Variants in DOCK5 observed in about 807,000 individuals in gnomAD.
DOCK5 encodes the protein dedicator of cytokinesis 5.
A neutral mutation model predicts 251.8 loss-of-function variants in DOCK5; 142 were observed. The ratio of observed to expected loss-of-function variants is 0.56; its 90% CI spans 0.49 to 0.65. DOCK5 has a LOEUF of 0.65. Among genes scored for constraint, DOCK5 ranks in the 30% least tolerant of loss-of-function variants. The probability of loss-of-function intolerance (pLI) is 0.00; values close to 1 mark genes in which losing one functional copy is unlikely to be tolerated. For missense variants in DOCK5, 2,111 were observed against 2,312.3 expected (o/e 0.91, Z 1.79); for synonymous variants, 842 against 835.5 (o/e 1.01, Z -0.13).
chr8:25,332,258 G>C lies in DOCK5; in HGVS notation c.1911G>C (p.Leu637=), dbSNP rs1805699687. 1.9e-6 allele frequency: 3 copies of C among 1,613,266 alleles called. No individual in the cohort carries two copies. Among genetic ancestry groups the C allele is most frequent in the Non-Finnish European group, 2.5e-6 (3 of 1,179,558 alleles). ...CSTKLTQNVD[L]LGLLNWRSNS... ...TGTGGTTGTTCTTCCTAGTTGACCT[G>C]TTAGGCTTGTTAAATTGGCGTTCCA... The change falls in exon 19 of 52, where the codon CTG becomes CTC. Residue 637 remains leucine (L), a synonymous_variant. Coordinates refer to ENST00000276440, the MANE Select transcript of DOCK5 (RefSeq NM_024940.8).
chr8:25,362,168 T>C (rs948117702), intron 28 of DOCK5, among the ~76,000 whole-genome samples: 27 of 152,332 alleles, frequency 1.8e-4, no homozygotes, highest in African/African-American at 6.5e-4. Flanking sequence ...AGGCTGCACA[T>C]GATAACGTCC....
intron 29 of DOCK5, among the ~76,000 whole-genome samples, chr8:25,363,485 G>A (rs1200537192): frequency 6.6e-6 from 1 of 152,172 alleles, no homozygotes; most frequent in Non-Finnish European, 1.5e-5. Context: ...TTCTATGACC[G>A]GTCCATGATG....
intron 1 of DOCK5, among the ~76,000 whole-genome samples, chr8:25,188,871 A>G (rs564981868): frequency 1.5e-4 from 23 of 152,202 alleles, no homozygotes; most frequent in African/African-American, 5.3e-4. Context: ...GCATATGAAG[A>G]TATAAAACAC....
At chr8:25,298,124 AAT>A (rs1328349450) in intron 7 of DOCK5, among the ~76,000 whole-genome samples, 1 of 150,536 alleles carries the variant, frequency 6.6e-6, no homozygotes, top group Non-Finnish European at 1.5e-5. Flanking sequence ...TTGACATTTT[AAT>A]ATGTTTTTTT....
intron 21 of DOCK5, 117 bp from the exon 22 acceptor site, chr8:25,336,114 CTAGAAGAT>C: frequency 1.9e-6 from 2 of 1,068,382 alleles, no homozygotes; most frequent in Middle Eastern, 3.0e-4. Flanking sequence ...AGGGCATATT[CTAGAAGAT>C]ATAATTAGTT....
Position 25,336,232 on chromosome 8 carries a change from T to C in DOCK5, c.2193-7T>C. On this transcript the variant is annotated splice_region_variant and splice_polypyrimidine_tract_variant and intron_variant, in intron 21 of 51. Transcript: ENST00000276440. The stretch of plus-strand genomic sequence containing the variant: ...TTGGCTTAATTTTTCTTTCTCATTC[T>C]TCTAAGGAAACTCTCCAAGGTACTG... The C allele has an allele frequency of 6.2e-7, 1 of 1,607,606 alleles. No homozygotes were observed. The highest frequency in any genetic ancestry group is 8.5e-7 in the Non-Finnish European group (1 of 1,174,610).
At chr8:25,399,355 C>G (rs1801398473) in intron 45 of DOCK5, among the ~76,000 whole-genome samples, 1 of 152,166 alleles carries the variant, frequency 6.6e-6, no homozygotes, top group African/African-American at 2.4e-5. Context: ...GAAATGTCTT[C>G]ACATCTACAT....
chr8:25,323,120 G>T (rs73673901), intron 16 of DOCK5, among the ~76,000 whole-genome samples: 3,176 of 152,306 alleles, frequency 0.021, 122 homozygotes, highest in African/African-American at 0.073. Context: ...AGGGGACCCG[G>T]TGAGTTCAGA....
In DOCK5 at chr8:25,184,781, A is replaced by C. The variant is rs985339377; in HGVS notation, c.-128A>C. 1.2e-6 allele frequency: 1 copy of C among 865,658 alleles called. No individual in the cohort carries two copies. Among genetic ancestry groups the C allele is most frequent in the East Asian group, 3.6e-5 (1 of 27,616 alleles). 53.6% of individuals were successfully genotyped at this position (865,658 alleles called of 1,614,324 possible). A position where few individuals can be genotyped will look rare whatever the true frequency, so the allele number is the denominator to read the frequency against. ...GGCGCGGCGAGGAGGCGGCCCGCGG[A>C]GTCCAGCGAAGTTTGGCGGAACATG... On this transcript the variant is annotated 5_prime_UTR_variant, in exon 1 of 52. Coordinates refer to ENST00000276440, the MANE Select transcript of DOCK5 (RefSeq NM_024940.8).
Position 25,342,504 on chromosome 8 carries a change from T to G in DOCK5, c.2614T>G (p.Ser872Ala). Residue 872 changes from serine to alanine, a missense_variant, in exon 25 of 52, where the codon TCA becomes GCA. Physicochemically the swap from Ser to Ala is moderately conservative, Grantham distance 99. Coordinates refer to ENST00000276440, the MANE Select transcript of DOCK5 (RefSeq NM_024940.8). ...KIVESTLFRQSECREVLLPLL... is the reference protein window; with the variant it reads ...KIVESTLFRQAECREVLLPLL... ...AGTAGAGAGCACTCTTTTTCGACAG[T>G]CAGGTAAGTCTCCTTCAAAACTTGC... is the stretch of plus-strand genomic sequence containing the variant. 6.3e-7 allele frequency: 1 copy of G among 1,577,058 alleles called. No homozygotes were observed.
At chr8:25,316,802 A>G (rs981996534) in intron 13 of DOCK5, among the ~76,000 whole-genome samples, 1 of 152,240 alleles carries the variant, frequency 6.6e-6, no homozygotes, top group Non-Finnish European at 1.5e-5. Context: ...GTAAAACTAC[A>G]GTGCAAAGAC....
At chr8:25,360,487 G>A (rs1027241885) in intron 28 of DOCK5, among the ~76,000 whole-genome samples, 4 of 152,194 alleles carry the variant, frequency 2.6e-5, no homozygotes, top group African/African-American at 9.7e-5. Flanking sequence ...GGCAGGTGGT[G>A]TAGCGGGTAA....
At chr8:25,199,118 T>C (rs915607409) in intron 1 of DOCK5, among the ~76,000 whole-genome samples, 6 of 152,134 alleles carry the variant, frequency 3.9e-5, no homozygotes, top group Admixed American at 2.6e-4. Context: ...GTTGCAAAAT[T>C]AATAAGTAAT....
Position 25,308,797 on chromosome 8 carries a change from C to T in DOCK5, c.1064C>T (p.Thr355Ile), listed in dbSNP as rs1805013850. ...TCTTTCCCAAGAATTGCGATGGAAACCTACATCCGCCAGAGGCAGCTCATC... is the reference window on the plus strand; with the variant it reads ...TCTTTCCCAAGAATTGCGATGGAAATCTACATCCGCCAGAGGCAGCTCATC... ...FIPFQQIAMETYIRQRQLIMS... is the reference protein window; with the variant it reads ...FIPFQQIAMEIYIRQRQLIMS... The change falls in exon 12 of 52, where the codon ACC (threonine) becomes ATC (isoleucine). Residue 355 changes from threonine (T) to isoleucine (I), a missense_variant. Thr to Ile is a moderately conservative substitution (Grantham distance 89, BLOSUM62 -1). Transcript: ENST00000276440. The T allele has an allele frequency of 6.2e-7, 1 of 1,613,874 alleles. No homozygotes were observed. Among genetic ancestry groups the T allele is most frequent in the African/African-American group, 1.3e-5 (1 of 75,036 alleles).
intron 37 of DOCK5, chr8:25,376,120 A>T (rs1053465877): frequency 2.1e-6 from 2 of 970,078 alleles, no homozygotes; most frequent in Admixed American, 1.3e-4. Flanking sequence ...AAAAAAAAAA[A>T]GCAACCTACT....
At chr8:25,261,827 G>T (rs961643369) in intron 2 of DOCK5, among the ~76,000 whole-genome samples, 1 of 152,164 alleles carries the variant, frequency 6.6e-6, no homozygotes, top group Non-Finnish European at 1.5e-5. Flanking sequence ...AGTTTTACCT[G>T]TGAGTCAACT....
chr8:25,233,883 C>G (rs1274824519), intron 1 of DOCK5, among the ~76,000 whole-genome samples: 1 of 152,192 alleles, frequency 6.6e-6, no homozygotes, highest in African/African-American at 2.4e-5. Context: ...TCACTTTGAA[C>G]TTCACACACA....
rs147544248 is a variant in DOCK5, at chr8:25,349,986, T to C, written c.2755-1745T>C. Among the ~76,000 whole-genome samples, 320 of 152,228 alleles carry C rather than the reference T, an allele frequency of 2.1e-3. 1 individual carries two copies. Among genetic ancestry groups the C allele is most frequent in the Non-Finnish European group, 3.6e-3 (248 of 68,012 alleles). On this transcript the variant is annotated intron_variant, in intron 26 of 51. Coordinates refer to ENST00000276440, the MANE Select transcript of DOCK5 (RefSeq NM_024940.8). ...GACTTCTATGTGGAATCTAAAAAAGTTAGACTCCTAGAAGCAGAGAGTAGA... is the reference window on the plus strand; with the variant it reads ...GACTTCTATGTGGAATCTAAAAAAGCTAGACTCCTAGAAGCAGAGAGTAGA...
chr8:25,279,254 A>G (rs1285526831), intron 5 of DOCK5, among the ~76,000 whole-genome samples: 1 of 152,180 alleles, frequency 6.6e-6, no homozygotes, highest in Non-Finnish European at 1.5e-5. Flanking sequence ...TAATGCTAAT[A>G]CAGTGTGTCA....
Sources: gnomAD v4.1 joint callset for allele counts (sites outside exome capture counted in the v4.1 genomes callset) on GRCh38, gnomAD v4.1.1 for gene constraint, MANE v1.5 for transcripts, NCBI Gene and HGNC (gene_info 2026-07-23, HGNC 2026-07-21) for gene names.